Variants in ZNF280D observed in about 807,000 individuals in gnomAD.
ZNF280D encodes suppressor of hairy wing homolog 4.
In ZNF280D, 39 loss-of-function variants were observed where a neutral mutation model predicts 94.7. The observed-to-expected ratio is 0.41, with a 90% confidence interval of 0.32 to 0.54. The LOEUF (loss-of-function observed/expected upper bound fraction) is 0.54, where lower values mean the gene tolerates loss of function less well. ZNF280D is among the 20% of genes least tolerant of loss of function. The pLI, the probability that ZNF280D is intolerant of heterozygous loss-of-function variation, is 0.22. For missense variants in ZNF280D, 1,090 were observed against 1,149.3 expected, an observed-to-expected ratio of 0.95 and a Z score of 0.75; for synonymous variants, 398 against 377.6, an observed-to-expected ratio of 1.05 and a Z score of -0.63.
At chr15:56,697,352 CTTT>C (rs2056815828) in intron 6 of ZNF280D, among the ~76,000 whole-genome samples, 1 of 152,046 alleles carries the variant, frequency 6.6e-6, no homozygotes, top group African/African-American at 2.4e-5. Context: ...GCCCAGCTAA[CTTT>C]TTTATTTTTA....
intron 14 of ZNF280D, chr15:56,668,282 C>A (rs1566956809): frequency 5.3e-6 from 2 of 379,886 alleles, no homozygotes; most frequent in Non-Finnish European, 5.1e-6. Flanking sequence ...GTACATAAGG[C>A]AAAAAGGGAA....
intron 1 of ZNF280D, among the ~76,000 whole-genome samples, chr15:56,718,942 C>T (rs1278027409): frequency 6.6e-6 from 1 of 152,158 alleles, no homozygotes; most frequent in Non-Finnish European, 1.5e-5. Context: ...TTTCTATACA[C>T]CAATAGTCCT....
At chr15:56,634,055 A>G (rs911772648) in intron 21 of ZNF280D, 1 of 152,080 alleles carries the variant, frequency 6.6e-6, no homozygotes, top group Non-Finnish European at 1.5e-5. Flanking sequence ...TAGTCAAGTG[A>G]ATCAGTGGGA....
rs1443349955 is a variant in ZNF280D, at chr15:56,631,575, C to A, written c.2863G>T (p.Asp955Tyr). Reference sequence around the variant, plus strand: ...GGGTTATTTCCTCCAGGAATGTCATCTGTTTGATCAGACACTACTTCATCA... The same window carrying A: ...GGGTTATTTCCTCCAGGAATGTCATATGTTTGATCAGACACTACTTCATCA... ...KTDEVVSDQT[D>Y]DIPGGNNPST... Residue 955 changes from aspartate (D) to tyrosine (Y), a missense_variant, in exon 22 of 22, where the codon GAT becomes TAT. Around this residue, in one of 3 missense-constraint regions of ZNF280D, gnomAD observed 577 missense variants for 568.8 expected, o/e 1.01. Coordinates refer to ENST00000267807, the MANE Select transcript of ZNF280D (RefSeq NM_017661.4). The A allele has an allele frequency of 6.2e-7, 1 of 1,614,108 alleles. No homozygotes were observed. The highest frequency in any genetic ancestry group is 8.5e-7 in the Non-Finnish European group (1 of 1,179,992).
At chr15:56,683,917 G>C (rs183848483) in intron 9 of ZNF280D, among the ~76,000 whole-genome samples, 1 of 152,294 alleles carries the variant, frequency 6.6e-6, no homozygotes, top group African/African-American at 2.4e-5. Flanking sequence ...AAGTAAACCA[G>C]AGAAGTAAAG....
intron 1 of ZNF280D, chr15:56,729,935 AT>A (rs1182831512): frequency 1.3e-5 from 2 of 152,160 alleles, no homozygotes; most frequent in African/African-American, 4.8e-5. Flanking sequence ...CATGAAATAG[AT>A]TTTTTATTTT....
chr15:56,677,843 C>T (rs187779284), intron 11 of ZNF280D, among the ~76,000 whole-genome samples, 169 bp from the exon 12 acceptor site: 2 of 152,218 alleles, frequency 1.3e-5, no homozygotes, highest in East Asian at 1.9e-4. Context: ...CATTACCTCA[C>T]CTACATTAAC....
At chr15:56,656,988 T>A (rs1236583354) in intron 17 of ZNF280D, among the ~76,000 whole-genome samples, 1 of 152,088 alleles carries the variant, frequency 6.6e-6, no homozygotes, top group Non-Finnish European at 1.5e-5. Context: ...AAACTAGGCA[T>A]AGGAAATAAT....
At chr15:56,638,246 T>C (rs1466770785) in intron 20 of ZNF280D, among the ~76,000 whole-genome samples, 1 of 152,324 alleles carries the variant, frequency 6.6e-6, no homozygotes, top group African/African-American at 2.4e-5. Flanking sequence ...ATTTCAACAT[T>C]TGGAAGATCC....
intron 20 of ZNF280D, among the ~76,000 whole-genome samples, chr15:56,636,356 T>C (rs1172618060): frequency 6.6e-6 from 1 of 152,162 alleles, no homozygotes. Context: ...GTCAGTCTAC[T>C]ATTTAGTACA....
At chr15:56,722,392 CACA>C (rs1164648936) in intron 1 of ZNF280D, among the ~76,000 whole-genome samples, 7 of 152,148 alleles carry the variant, frequency 4.6e-5, no homozygotes, top group Non-Finnish European at 7.4e-5. Flanking sequence ...ATCTGCAAAC[CACA>C]ACAAGTGAAG....
At chr15:56,690,274 C>T (rs1310864106) in intron 7 of ZNF280D, among the ~76,000 whole-genome samples, 10 of 151,838 alleles carry the variant, frequency 6.6e-5, no homozygotes, top group African/African-American at 1.9e-4. Context: ...CCCAGCTACT[C>T]GGGAGGCTGA....
intron 19 of ZNF280D, chr15:56,653,465 C>A (rs1235168457): frequency 1.3e-6 from 2 of 1,497,026 alleles, no homozygotes; most frequent in Non-Finnish European, 1.8e-6. Context: ...AGGCCACAAC[C>A]TAAGAGCAGG....
chr15:56,726,556 T>A (rs1178042141), intron 1 of ZNF280D, among the ~76,000 whole-genome samples: 1 of 152,204 alleles, frequency 6.6e-6, no homozygotes, highest in African/African-American at 2.4e-5. Flanking sequence ...TTATTTTTCC[T>A]ACATCTTGAA....
intron 3 of ZNF280D, among the ~76,000 whole-genome samples, chr15:56,706,168 C>A (rs2057388983): frequency 7.3e-6 from 1 of 137,880 alleles, no homozygotes; most frequent in East Asian, 2.1e-4. Context: ...AAGGAGATCA[C>A]AGGAAGATGT....
intron 17 of ZNF280D, among the ~76,000 whole-genome samples, chr15:56,658,200 G>A (rs1319501066): frequency 6.6e-6 from 1 of 152,142 alleles, no homozygotes; most frequent in African/African-American, 2.4e-5. Context: ...GAGCTGGAGA[G>A]AAATGGGAAT....
At chr15:56,659,175 T>TAAAAA (rs35057161) in intron 16 of ZNF280D, among the ~76,000 whole-genome samples, 8 of 93,190 alleles carry the variant, frequency 8.6e-5, no homozygotes, top group South Asian at 4.7e-4. Flanking sequence ...TGTTTTTTAT[T>TAAAAA]AAAAAAAAAA....
chr15:56,657,994 T>C lies in ZNF280D; in HGVS notation c.2057+430A>G, dbSNP rs144861205. Among the ~76,000 whole-genome samples the C allele has an allele frequency of 5.9e-3, 897 of 152,284 alleles. 14 individuals carry two copies. The highest frequency in any genetic ancestry group is 0.021 in the African/African-American group (862 of 41,558). ...TAAATAAATAAACTATGATGTACCT[T>C]TACAATGGGTTTTGCAGCAATTTTT... On this transcript the variant is annotated intron_variant, in intron 17 of 21. Transcript: ENST00000267807.
intron 6 of ZNF280D, chr15:56,698,500 C>T (rs1157288537): frequency 6.6e-6 from 1 of 152,118 alleles, no homozygotes; most frequent in Non-Finnish European, 1.5e-5. Flanking sequence ...GCCAAACAAT[C>T]AAGATTGACT....
Sources: allele counts gnomAD v4.1 joint callset (sites outside exome capture counted in the v4.1 genomes callset), GRCh38; gene constraint gnomAD v4.1.1; regional missense constraint gnomAD v4.1.1; transcripts MANE v1.5; gene names NCBI Gene and HGNC (gene_info 2026-07-23, HGNC 2026-07-21).